Variants in CPXM2 observed in about 807,000 individuals in gnomAD.
CPXM2 encodes carboxypeptidase X, M14 family member 2, also known as inactive carboxypeptidase-like protein X2.
Under a neutral mutation model 86.1 loss-of-function variants are expected in CPXM2, and 66 were observed. The observed-to-expected ratio is 0.77, with a 90% CI of 0.63 to 0.94. The LOEUF (loss-of-function observed/expected upper bound fraction) is 0.94. CPXM2 is among the 40% of genes least tolerant of loss of function. The pLI is 0.00. For missense variants in CPXM2, 948 were observed against 1,026.3 expected (o/e 0.92, Z 1.04); for synonymous variants, 388 against 400.2 (o/e 0.97, Z 0.36).
chr10:123,853,164 T>C (rs571268401), intron 3 of CPXM2, among the ~76,000 whole-genome samples: 6 of 152,240 alleles, frequency 3.9e-5, no homozygotes, highest in South Asian at 2.1e-4. Flanking sequence ...GCTAGGGGCA[T>C]GTAAGCAGTG....
chr10:123,888,700 C>A (rs1233496931), intron 1 of CPXM2, among the ~76,000 whole-genome samples: 3 of 152,208 alleles, frequency 2.0e-5, no homozygotes, highest in Non-Finnish European at 4.4e-5. Context: ...TTCTGCTGAG[C>A]AAACACCAAA....
chr10:123,817,809 G>A (rs937058076), intron 4 of CPXM2, among the ~76,000 whole-genome samples: 3 of 152,150 alleles, frequency 2.0e-5, no homozygotes, highest in Non-Finnish European at 4.4e-5. Context: ...TGATATGCAG[G>A]CACCACCCGA....
At chr10:123,811,846 T>C (rs988880774) in intron 4 of CPXM2, among the ~76,000 whole-genome samples, 2 of 152,188 alleles carry the variant, frequency 1.3e-5, no homozygotes, top group Admixed American at 6.5e-5. Flanking sequence ...TCAACCCTGT[T>C]AGTGGTTACG....
chr10:123,842,309 C>A (rs371906072), intron 4 of CPXM2, 40 bp downstream of exon 4: 16 of 1,611,684 alleles, frequency 9.9e-6, no homozygotes, highest in Non-Finnish European at 1.4e-5. Flanking sequence ...AAGCTAGACC[C>A]AAAACAGGGT....
At chr10:123,805,297 G>T (rs545442439) in intron 4 of CPXM2, among the ~76,000 whole-genome samples, 1 of 151,782 alleles carries the variant, frequency 6.6e-6, no homozygotes, top group South Asian at 2.1e-4. Context: ...GCTTCTTGAG[G>T]TCACTGATTG....
intron 4 of CPXM2, among the ~76,000 whole-genome samples, chr10:123,826,566 T>C (rs1047382061): frequency 6.6e-6 from 1 of 152,106 alleles, no homozygotes; most frequent in African/African-American, 2.4e-5. Context: ...TTGTTCATAA[T>C]AGGATGTTAA....
rs117832923 is a variant in CPXM2, at chr10:123,834,734, G to A, written c.653+7615C>T. On this transcript the variant is annotated intron_variant, in intron 4 of 13. Coordinates refer to ENST00000241305, the MANE Select transcript of CPXM2 (RefSeq NM_198148.3). ...TGTGGAAATCTGATCCCGTGTTGGA[G>A]GTGCAGCTTAATGGGAGGTGTCTGG... Among the ~76,000 whole-genome samples the A allele has an allele frequency of 2.3e-3, 353 of 152,314 alleles. 1 individual carries two copies. Among genetic ancestry groups the A allele is most frequent in the Non-Finnish European group, 4.3e-3 (295 of 68,024 alleles).
chr10:123,852,312 C>A (rs181572842), intron 3 of CPXM2, among the ~76,000 whole-genome samples: 1 of 152,144 alleles, frequency 6.6e-6, no homozygotes, highest in African/African-American at 2.4e-5. Context: ...AAAAAGCATG[C>A]CCGACTCCCT....
chr10:123,752,034 A>T (rs552640340), intron 13 of CPXM2: 1 of 985,358 alleles, frequency 1.0e-6, no homozygotes, highest in Non-Finnish European at 1.2e-6. Context: ...ATTTTCTCAC[A>T]TTGCATACAA....
rs765739843 is a variant in CPXM2, at chr10:123,754,120, A to G, written c.2017+543T>C. On this transcript the variant is annotated intron_variant, in intron 13 of 13. Transcript: ENST00000241305. This position sits in a 1 kb window ranked among gnomAD's most constrained non-coding sequence, Gnocchi z 4.0. Reference sequence around the variant, plus strand: ...ACAGACACCTGAGTCTTCCTAAGACATCACGCTCAGTGATTTCCTGTGCTT... The same window carrying G: ...ACAGACACCTGAGTCTTCCTAAGACGTCACGCTCAGTGATTTCCTGTGCTT... 6.6e-6 allele frequency among the ~76,000 whole-genome samples: 1 copy of G among 152,212 alleles called. No homozygotes were observed. Among genetic ancestry groups the G allele is most frequent in the South Asian group, 2.1e-4 (1 of 4,830 alleles).
chr10:123,780,548 C>G (rs544168828), intron 6 of CPXM2, among the ~76,000 whole-genome samples: 43 of 152,138 alleles, frequency 2.8e-4, no homozygotes, highest in Non-Finnish European at 5.3e-4. Flanking sequence ...GGTTTTTTAC[C>G]CATAAACAAG....
chr10:123,888,143 A>G (rs1238814996), intron 1 of CPXM2, among the ~76,000 whole-genome samples: 1 of 152,192 alleles, frequency 6.6e-6, no homozygotes, highest in Non-Finnish European at 1.5e-5. Flanking sequence ...GGCTCCTTGC[A>G]TAAACCCCGC....
At chr10:123,801,380 TCC>T (rs771144007) in intron 4 of CPXM2, among the ~76,000 whole-genome samples, 4 of 152,162 alleles carry the variant, frequency 2.6e-5, no homozygotes, top group South Asian at 4.2e-4. Context: ...CCATTAAATC[TCC>T]TTTTCTTTAT....
chr10:123,829,893 T>A (rs1848127871), intron 4 of CPXM2, among the ~76,000 whole-genome samples: 1 of 151,420 alleles, frequency 6.6e-6, no homozygotes, highest in Non-Finnish European at 1.5e-5. Flanking sequence ...GGGTGGCATT[T>A]CGGTTGGAAA....
At chr10:123,823,426 T>C (rs1301563348) in intron 4 of CPXM2, among the ~76,000 whole-genome samples, 1 of 152,140 alleles carries the variant, frequency 6.6e-6, no homozygotes, top group Non-Finnish European at 1.5e-5. Flanking sequence ...AGCTTTGGAA[T>C]TAACTAGTAA....
intron 6 of CPXM2, among the ~76,000 whole-genome samples, chr10:123,784,465 C>G (rs534208838): frequency 6.6e-6 from 1 of 152,214 alleles, no homozygotes; most frequent in Non-Finnish European, 1.5e-5. Flanking sequence ...TGCCTCCTCA[C>G]CCCTGAGTCC....
chr10:123,798,539 A>G (rs1169343821), intron 5 of CPXM2, among the ~76,000 whole-genome samples: 6 of 152,206 alleles, frequency 3.9e-5, no homozygotes, highest in Non-Finnish European at 8.8e-5. Context: ...CAGAAGCCTA[A>G]ATATTGGATT....
At position 123,770,293 on chromosome 10, in the gene CPXM2, C is replaced by CAAACA. The variant is rs564252137; in HGVS notation, c.1102+618_1102+622dup. 3.2e-4 allele frequency among the ~76,000 whole-genome samples: 48 copies of CAAACA among 152,130 alleles called. No individual in the cohort carries two copies. The South Asian group carries it at 9.4e-3, about 30-fold the overall frequency. ...CCATCTCAAAAAACAAACAAACAAA[C>CAAACA]AAACAAAACAAAACAAACAAAAAAA... is the stretch of plus-strand genomic sequence containing the variant. On this transcript the variant is annotated intron_variant, in intron 8 of 13. Coordinates refer to ENST00000241305, the MANE Select transcript of CPXM2 (RefSeq NM_198148.3).
At chr10:123,927,022 T>C (rs193177286) in intron 2 of CPXM2, among the ~76,000 whole-genome samples, 1 of 152,102 alleles carries the variant, frequency 6.6e-6, no homozygotes, top group Admixed American at 6.5e-5. Context: ...AGGAACCCAG[T>C]AAGTGTTCAT....
Sources: gnomAD v4.1 joint callset for allele counts (sites outside exome capture counted in the v4.1 genomes callset) on GRCh38, gnomAD v4.1.1 for gene constraint, Gnocchi (gnomAD v3.1) non-coding constraint, MANE v1.5 for transcripts, NCBI Gene and HGNC (gene_info 2026-07-23, HGNC 2026-07-21) for gene names.